ESCO1: variants seen among roughly 807,000 people sequenced by gnomAD.
ESCO1 encodes the protein N-acetyltransferase ESCO1.
In ESCO1, 33 loss-of-function variants were observed where a neutral mutation model predicts 83.5. That is an observed-to-expected ratio of 0.40 (90% CI 0.30 to 0.53). The LOEUF is 0.53. Among genes scored for constraint, ESCO1 ranks in the 20% least tolerant of loss-of-function variants. The probability of loss-of-function intolerance (pLI) is 0.63; values close to 1 mark genes in which losing one functional copy is unlikely to be tolerated. For missense variants in ESCO1, 855 were observed against 968.0 expected (o/e 0.88, Z 1.55); for synonymous variants, 332 against 324.3 (o/e 1.02, Z -0.25).
At chr18:21,545,776 A>C (rs1447240578) in intron 8 of ESCO1, among the ~76,000 whole-genome samples, 1 of 151,816 alleles carries the variant, frequency 6.6e-6, no homozygotes, top group Non-Finnish European at 1.5e-5. Flanking sequence ...TAAAAATACA[A>C]AAAATTAGCT....
intron 11 of ESCO1, among the ~76,000 whole-genome samples, chr18:21,531,328 C>T (rs1487534867): frequency 6.6e-6 from 1 of 152,052 alleles, no homozygotes; most frequent in Non-Finnish European, 1.5e-5. Context: ...CTCAGCTACT[C>T]AGGAGGCTGA....
chr18:21,549,507 A>G (rs2038018055), intron 8 of ESCO1, among the ~76,000 whole-genome samples: 1 of 151,906 alleles, frequency 6.6e-6, no homozygotes, highest in African/African-American at 2.4e-5. Flanking sequence ...CTCCGCCTCC[A>G]GGGGTCAAGC....
Position 21,530,272 on chromosome 18 carries a change from C to A in ESCO1, c.*71G>T. 7.4e-7 allele frequency: 1 copy of A among 1,348,980 alleles called. No homozygotes were observed. The highest frequency in any genetic ancestry group is 9.7e-7 in the Non-Finnish European group (1 of 1,028,236). 83.6% of individuals were successfully genotyped at this position (1,348,980 alleles called of 1,614,324 possible). ...CATTGTAATAAAAATGGCCCTAGTT[C>A]CTGGTTAAAGTCAGCAACCAATCCA... On this transcript the variant is annotated 3_prime_UTR_variant, in exon 12 of 12. Transcript: ENST00000269214.
chr18:21,574,120 C>T lies in ESCO1; in HGVS notation c.724G>A (p.Val242Ile), dbSNP rs945297017. ...TRRDETKPVPVTSEVKRSKMA... is the reference protein window; with the variant it reads ...TRRDETKPVPITSEVKRSKMA... ...TTTGATCTTTTCACCTCAGAAGTTA[C>T]AGGCACAGGTTTCGTTTCGTCTCTT... The change falls in exon 4 of 12, where the codon GTA becomes ATA. Residue 242 changes from valine (V) to isoleucine (I), a missense_variant. Coordinates refer to ENST00000269214, the MANE Select transcript of ESCO1 (RefSeq NM_052911.3). The T allele has an allele frequency of 4.2e-5, 68 of 1,613,486 alleles. No individual in the cohort carries two copies. The highest frequency in any genetic ancestry group is 5.8e-5 in the Non-Finnish European group (68 of 1,180,032).
chr18:21,591,122 T>G (rs539131844), intron 1 of ESCO1, among the ~76,000 whole-genome samples: 1 of 152,160 alleles, frequency 6.6e-6, no homozygotes. Flanking sequence ...CATAATCAAA[T>G]TAAGGATCTT....
chr18:21,578,455 G>A (rs548525989), intron 2 of ESCO1, among the ~76,000 whole-genome samples: 12 of 152,132 alleles, frequency 7.9e-5, no homozygotes, highest in Middle Eastern at 3.4e-3. Context: ...AGGTCCAACT[G>A]GCCATTAACT....
chr18:21,594,360 T>A (rs761441521), intron 1 of ESCO1, among the ~76,000 whole-genome samples: 1 of 152,226 alleles, frequency 6.6e-6, no homozygotes, highest in Non-Finnish European at 1.5e-5. Flanking sequence ...TGGTGATTCC[T>A]GTTTTCTTCT....
intron 11 of ESCO1, among the ~76,000 whole-genome samples, chr18:21,530,713 C>T (rs2037757269): frequency 6.6e-6 from 1 of 151,832 alleles, no homozygotes; most frequent in Non-Finnish European, 1.5e-5. Context: ...AAACATTTAC[C>T]CAACATCTTT....
chr18:21,589,623 A>C (rs1200539734), intron 1 of ESCO1, among the ~76,000 whole-genome samples: 1 of 152,150 alleles, frequency 6.6e-6, no homozygotes, highest in African/African-American at 2.4e-5. Context: ...CAGTTCCATA[A>C]AACACTGGTG....
intron 2 of ESCO1, among the ~76,000 whole-genome samples, chr18:21,577,418 G>C (rs1008357527): frequency 2.0e-5 from 3 of 147,292 alleles, no homozygotes; most frequent in African/African-American, 5.1e-5. Context: ...CCAGCACTTT[G>C]GGAGGCCGAG....
intron 7 of ESCO1, among the ~76,000 whole-genome samples, chr18:21,562,964 C>T (rs2038208890): frequency 1.3e-5 from 2 of 151,214 alleles, no homozygotes; most frequent in African/African-American, 2.4e-5. Flanking sequence ...CTCCACCTTC[C>T]GAGTTCAAGG....
At chr18:21,591,823 G>A (rs978715838) in intron 1 of ESCO1, among the ~76,000 whole-genome samples, 11 of 152,002 alleles carry the variant, frequency 7.2e-5, no homozygotes, top group Admixed American at 3.9e-4. Context: ...GCGGCCTTCC[G>A]CAGTGTTTGT....
intron 8 of ESCO1, among the ~76,000 whole-genome samples, chr18:21,558,286 A>G (rs1212911497): frequency 6.6e-6 from 1 of 151,972 alleles, no homozygotes; most frequent in Non-Finnish European, 1.5e-5. Flanking sequence ...AGTAAGAAAA[A>G]ATTTTCTTAC....
At chr18:21,566,579 G>T (rs934985202) in intron 5 of ESCO1, among the ~76,000 whole-genome samples, 4 of 152,132 alleles carry the variant, frequency 2.6e-5, no homozygotes, top group Non-Finnish European at 2.9e-5. Flanking sequence ...AATAAAAGAC[G>T]CCGGGCATGG....
intron 8 of ESCO1, among the ~76,000 whole-genome samples, chr18:21,553,679 G>C (rs1429725660): frequency 6.6e-6 from 1 of 151,756 alleles, no homozygotes; most frequent in East Asian, 1.9e-4. Context: ...CCAACATGGA[G>C]AAACCCTGTC....
intron 2 of ESCO1, among the ~76,000 whole-genome samples, chr18:21,576,548 A>C (rs2038420888): frequency 6.6e-6 from 1 of 152,194 alleles, no homozygotes; most frequent in African/African-American, 2.4e-5. Context: ...CCATAAACCC[A>C]AAGGATAAAG....
intron 1 of ESCO1, chr18:21,597,149 T>C (rs1243501143): frequency 1.3e-5 from 2 of 152,200 alleles, no homozygotes; most frequent in African/African-American, 4.8e-5. Context: ...TTAAGTTTTG[T>C]TGCAGAATCA....
intron 1 of ESCO1, among the ~76,000 whole-genome samples, chr18:21,598,331 G>C (rs1331249422): frequency 6.6e-6 from 1 of 152,180 alleles, no homozygotes; most frequent in African/African-American, 2.4e-5. Context: ...TCATTAATTA[G>C]GGTACTTTTT....
At chr18:21,599,051 A>G (rs1232440142) in intron 1 of ESCO1, among the ~76,000 whole-genome samples, 1 of 152,132 alleles carries the variant, frequency 6.6e-6, no homozygotes, top group Non-Finnish European at 1.5e-5. Flanking sequence ...TCAAAAAAAA[A>G]AAAAAATTCA....
Sources: gnomAD v4.1 joint callset for allele counts (sites outside exome capture counted in the v4.1 genomes callset) on GRCh38, gnomAD v4.1.1 for gene constraint, MANE v1.5 for transcripts, NCBI Gene and HGNC (gene_info 2026-07-23, HGNC 2026-07-21) for gene names.